Variants in NOS2 observed in about 807,000 individuals in gnomAD.
NOS2 encodes nitric oxide synthase 2, also known as nitric oxide synthase, inducible.
A neutral mutation model predicts 136.0 loss-of-function variants in NOS2; 96 were observed. The observed-to-expected ratio is 0.71, with a 90% CI of 0.60 to 0.84. The LOEUF (loss-of-function observed/expected upper bound fraction) is 0.84, where lower values mean the gene tolerates loss of function less well. Ranked by LOEUF, NOS2 falls within the 40% of genes least tolerant of loss-of-function variation. NOS2 has a pLI of 0.00. For synonymous variants in NOS2, 539 were observed against 587.5 expected (o/e 0.92, Z 1.20); for missense variants, 1,237 against 1,496.9 (o/e 0.83, Z 2.87).
At chr17:27,788,196 GCACACACACACA>G (rs59431357) in intron 4 of NOS2, among the ~76,000 whole-genome samples, 1 of 149,754 alleles carries the variant, frequency 6.7e-6, no homozygotes, top group Middle Eastern at 3.5e-3. Flanking sequence ...GCACACGCGT[GCACACACACACA>G]CACACACACA....
intron 20 of NOS2, among the ~76,000 whole-genome samples, chr17:27,765,247 C>G (rs1908259239): frequency 6.6e-6 from 1 of 152,232 alleles, no homozygotes; most frequent in African/African-American, 2.4e-5. Context: ...CACGGCCTCC[C>G]AAAGTGCTGA....
rs3794758 is a variant in NOS2 at position 27,761,491 on chromosome 17, C to T, written c.2801-260G>A. 2.6e-4 allele frequency among the ~76,000 whole-genome samples: 39 copies of T among 152,270 alleles called. No homozygotes were observed. The East Asian group carries it at 7.2e-3, about 28-fold the overall frequency. On this transcript the variant is annotated intron_variant, in intron 22 of 26. Transcript: ENST00000313735. ...ACTGAGACGGGGAGAGGAAAAGTGACTTGAAAAAGGTCACTCAGGTCGTGG... is the reference window on the plus strand; with the variant it reads ...ACTGAGACGGGGAGAGGAAAAGTGATTTGAAAAAGGTCACTCAGGTCGTGG...
intron 2 of NOS2, among the ~76,000 whole-genome samples, chr17:27,795,367 A>C (rs1909324112): frequency 6.6e-6 from 1 of 152,252 alleles, no homozygotes; most frequent in Non-Finnish European, 1.5e-5. Context: ...AAACAAGGAT[A>C]ATAGTTCCTG....
At chr17:27,796,589 G>A (rs1442050813) in intron 2 of NOS2, among the ~76,000 whole-genome samples, 2 of 152,170 alleles carry the variant, frequency 1.3e-5, no homozygotes, top group African/African-American at 2.4e-5. Context: ...CAGGTGGGAT[G>A]GGCTCTCCAT....
rs987006232 is a variant in NOS2 at position 27,771,471 on chromosome 17, C to A, written c.1705-454G>T. ...AGGATGGGGGACCTGCCACCACTCT[C>A]CTGGCAGTTCCAGACTCCTGGGAGC... On this transcript the variant is annotated intron_variant, in intron 14 of 26. Coordinates refer to ENST00000313735, the MANE Select transcript of NOS2 (RefSeq NM_000625.4). Among the ~76,000 whole-genome samples, 45 of 152,252 alleles carry A rather than the reference C, an allele frequency of 3.0e-4. 1 individual carries two copies. The highest frequency in any genetic ancestry group is 1.0e-3 in the African/African-American group (43 of 41,470).
intron 14 of NOS2, 69 bp from the exon 15 acceptor site, chr17:27,771,086 C>G (rs1908481071): frequency 6.3e-6 from 7 of 1,118,882 alleles, no homozygotes; most frequent in Non-Finnish European, 9.3e-6. Context: ...GCGCAGACAC[C>G]CTGGGCTTCC....
intron 1 of NOS2, among the ~76,000 whole-genome samples, chr17:27,799,257 C>T (rs1208134831): frequency 5.3e-5 from 8 of 152,172 alleles, no homozygotes; most frequent in Non-Finnish European, 1.2e-4. Flanking sequence ...ACAGGGGTGC[C>T]TTTGCCTGAC....
intron 11 of NOS2, among the ~76,000 whole-genome samples, chr17:27,775,196 A>T (rs1567637761): frequency 6.6e-6 from 1 of 152,250 alleles, no homozygotes; most frequent in African/African-American, 2.4e-5. Context: ...GCAGTGGCTC[A>T]TGCCTGTAAT....
chr17:27,781,517 A>C, intron 7 of NOS2, among the ~76,000 whole-genome samples: 1 of 150,610 alleles, frequency 6.6e-6, no homozygotes, highest in African/African-American at 2.5e-5. Context: ...GGTCCTAGTC[A>C]CTCTTCCTCC....
intron 6 of NOS2, 78 bp downstream of exon 6, chr17:27,782,866 C>G (rs1908894861): frequency 2.8e-6 from 4 of 1,428,852 alleles, no homozygotes; most frequent in African/African-American, 2.8e-5. Flanking sequence ...GGGCACAGCT[C>G]TGTGTGGCTG....
At position 27,767,836 on chromosome 17, in the gene NOS2, G is replaced by T. The variant is rs200602347; in HGVS notation, c.2036C>A (p.Ala679Glu). ...FRSWAVQTFKAACETFDVRGK... is the reference protein window; with the variant it reads ...FRSWAVQTFKEACETFDVRGK... ...TCGGACATCAAACGTCTCACAGGCT[G>T]CCTGGAAGAAGGTGGAGCAGACTGC... The change falls in exon 18 of 27, where the codon GCA (alanine) becomes GAA (glutamate). Residue 679 changes from alanine to glutamate, a missense_variant and splice_region_variant. Around this residue, in one of 3 missense-constraint regions of NOS2, gnomAD observed 782 missense variants for 909.9 expected, o/e 0.86. Coordinates refer to ENST00000313735, the MANE Select transcript of NOS2 (RefSeq NM_000625.4). The T allele has an allele frequency of 1.2e-6, 2 of 1,611,524 alleles. No homozygotes were observed. The highest frequency in any genetic ancestry group is 1.7e-5 in the Admixed American group (1 of 60,020).
At chr17:27,780,359 G>A (rs1232620645) in intron 9 of NOS2, among the ~76,000 whole-genome samples, 1 of 152,170 alleles carries the variant, frequency 6.6e-6, no homozygotes, top group Non-Finnish European at 1.5e-5. Flanking sequence ...GCAGGGGCTG[G>A]GCCAGTAGGA....
chr17:27,785,412 C>T (rs1468027163), intron 5 of NOS2, among the ~76,000 whole-genome samples: 4 of 152,184 alleles, frequency 2.6e-5, no homozygotes, highest in Non-Finnish European at 5.9e-5. Context: ...CAGGCAGCCC[C>T]TAACAGGCTG....
chr17:27,796,180 CG>C (rs1238842098), intron 2 of NOS2, among the ~76,000 whole-genome samples: 74 of 152,204 alleles, frequency 4.9e-4, no homozygotes, highest in African/African-American at 1.7e-3. Context: ...AGCCTAGGTG[CG>C]GTGGCTCACA....
At chr17:27,763,051 T>C in intron 21 of NOS2, 46 bp from the exon 22 acceptor site, 1 of 1,330,254 alleles carries the variant, frequency 7.5e-7, no homozygotes, top group South Asian at 1.4e-5. Context: ...CCTGTCCCGC[T>C]TTGGGGAAAA....
At position 27,759,017 on chromosome 17, in the gene NOS2, TGGAGCACAC is replaced by T; in HGVS notation, c.3209_3217del (p.Arg1070_Leu1072del). On this transcript the variant is annotated inframe_deletion, in exon 26 of 27. Transcript: ENST00000313735. The stretch of plus-strand genomic sequence containing the variant: ...AACATAGAGGTGGCCTGGCTCCTTG[TGGAGCACAC>T]GGAGCACCTCGCTGGCCAGCTGCTG... 1 of 1,611,730 alleles carries T rather than the reference TGGAGCACAC, an allele frequency of 6.2e-7. No homozygotes were observed. The highest frequency in any genetic ancestry group is 8.5e-7 in the Non-Finnish European group (1 of 1,179,168).
intron 2 of NOS2, among the ~76,000 whole-genome samples, chr17:27,795,731 G>A (rs987729167): frequency 1.3e-5 from 2 of 152,184 alleles, no homozygotes; most frequent in African/African-American, 4.8e-5. Flanking sequence ...CTTCCTTGTG[G>A]ATCGTTGGGA....
In NOS2 at chr17:27,773,254, G is replaced by T. The variant is rs774743295; in HGVS notation, c.1477-11C>A. The T allele has an allele frequency of 6.2e-7, 1 of 1,608,580 alleles. No homozygotes were observed. Among genetic ancestry groups the T allele is most frequent in the Non-Finnish European group, 8.5e-7 (1 of 1,175,446 alleles). Reference sequence around the variant, plus strand: ...TTTCCAGGCCTCTACCTTCAGAAAAGAAAGGAGATGTGAGGGCAGGGCGGG... The same window carrying T: ...TTTCCAGGCCTCTACCTTCAGAAAATAAAGGAGATGTGAGGGCAGGGCGGG... On this transcript the variant is annotated splice_polypyrimidine_tract_variant and intron_variant, in intron 12 of 26. Coordinates refer to ENST00000313735, the MANE Select transcript of NOS2 (RefSeq NM_000625.4).
chr17:27,768,913 T>C, intron 17 of NOS2, 64 bp downstream of exon 17: 1 of 1,477,310 alleles, frequency 6.8e-7, no homozygotes, highest in South Asian at 1.3e-5. Flanking sequence ...CCAGCACAGA[T>C]GTCCTAGGCA....
Sources: allele counts gnomAD v4.1 joint callset (sites outside exome capture counted in the v4.1 genomes callset), GRCh38; gene constraint gnomAD v4.1.1; regional missense constraint gnomAD v4.1.1; transcripts MANE v1.5; gene names NCBI Gene and HGNC (gene_info 2026-07-23, HGNC 2026-07-21).